MAGI2: variants seen among roughly 807,000 people sequenced by gnomAD.
MAGI2 encodes the protein membrane associated guanylate kinase, WW and PDZ domain containing 2, also known as membrane-associated guanylate kinase, WW and PDZ domain-containing protein 2.
A neutral mutation model predicts 133.3 loss-of-function variants in MAGI2; 35 were observed. The ratio of observed to expected loss-of-function variants is 0.26; its 90% confidence interval spans 0.20 to 0.35. The LOEUF (loss-of-function observed/expected upper bound fraction) is 0.35. Ranked by LOEUF, MAGI2 falls within the 10% of genes least tolerant of loss-of-function variation. The pLI is 1.00. For synonymous variants in MAGI2, 729 were observed against 710.6 expected (o/e 1.03, Z -0.41); for missense variants, 1,636 against 1,863.4 (o/e 0.88, Z 2.25).
At chr7:78,429,473 G>C (rs1362044603) in intron 6 of MAGI2, among the ~76,000 whole-genome samples, 1 of 151,918 alleles carries the variant, frequency 6.6e-6, no homozygotes, top group Non-Finnish European at 1.5e-5. Context: ...AATGGATTTC[G>C]TTCTTTGTTT....
intron 3 of MAGI2, among the ~76,000 whole-genome samples, chr7:78,539,761 G>A (rs1025983161): frequency 3.9e-5 from 6 of 152,096 alleles, no homozygotes; most frequent in African/African-American, 1.4e-4. Flanking sequence ...CAGGTCTCTC[G>A]GCCATGGATA....
At chr7:78,591,619 T>C (rs889546155) in intron 3 of MAGI2, among the ~76,000 whole-genome samples, 2 of 152,152 alleles carry the variant, frequency 1.3e-5, no homozygotes, top group African/African-American at 4.8e-5. Flanking sequence ...ATTAGGAAGG[T>C]AGTCTCTGAG....
chr7:79,052,560 C>T (rs1205035122), intron 1 of MAGI2, among the ~76,000 whole-genome samples: 2 of 152,210 alleles, frequency 1.3e-5, no homozygotes, highest in African/African-American at 4.8e-5. Flanking sequence ...CACACTGCAT[C>T]TCATTGCCTA....
intron 1 of MAGI2, among the ~76,000 whole-genome samples, chr7:79,392,654 CTTCTT>C (rs1479004973): frequency 6.6e-6 from 1 of 152,230 alleles, no homozygotes; most frequent in Admixed American, 6.5e-5. Flanking sequence ...GCATAAATGT[CTTCTT>C]TTGAGAAGTG....
intron 10 of MAGI2, among the ~76,000 whole-genome samples, 183 bp from the exon 11 acceptor site, chr7:78,201,376 G>A (rs1029087777): frequency 1.1e-4 from 16 of 152,182 alleles, no homozygotes; most frequent in African/African-American, 2.9e-4. Flanking sequence ...CATTGGAATT[G>A]TATTAATGAT....
At position 78,893,585 on chromosome 7, in the gene MAGI2, C is replaced by A. The variant is rs1056861881; in HGVS notation, c.418+113505G>T. 3.3e-5 allele frequency among the ~76,000 whole-genome samples: 5 copies of A among 152,158 alleles called. No homozygotes were observed. In the South Asian group the frequency reaches 1.0e-3, roughly 32 times the overall value. Reference sequence around the variant, plus strand: ...ATGAGTTCATGTCCTTTGTAGGGACCTGGATGAAGCCAGAAACCATCATTC... The same window carrying A: ...ATGAGTTCATGTCCTTTGTAGGGACATGGATGAAGCCAGAAACCATCATTC... On this transcript the variant is annotated intron_variant, in intron 2 of 21. Transcript: ENST00000354212.
Position 79,271,486 on chromosome 7 carries a change from A to C in MAGI2, c.301+181534T>G, listed in dbSNP as rs539341978. ...GCTTGCCTTGTGTTCTGGCTTTATA[A>C]AGCTTTTATAAAGCCCTTCAACAAC... On this transcript the variant is annotated intron_variant, in intron 1 of 21. Transcript: ENST00000354212. Among the ~76,000 whole-genome samples, 11 of 152,216 alleles carry C rather than the reference A, an allele frequency of 7.2e-5. No homozygotes were observed. The East Asian group carries it at 2.1e-3, about 29-fold the overall frequency.
chr7:78,326,761 T>C (rs1788628634), intron 9 of MAGI2, among the ~76,000 whole-genome samples: 1 of 152,212 alleles, frequency 6.6e-6, no homozygotes. Flanking sequence ...AACTTTTTGC[T>C]ATAATATATT....
rs201592062 is a variant in MAGI2, at chr7:78,627,175, T to C, written c.483A>G (p.Glu161=). The change falls in exon 3 of 22, where the codon GAA becomes GAG. Residue 161 remains glutamate, a synonymous_variant. Coordinates refer to ENST00000354212, the MANE Select transcript of MAGI2 (RefSeq NM_012301.4). ...PGVDYIFITV[E]DFMELEKSGA... ...CACTTTTCTCCAATTCCATAAAATC[T>C]TCAACAGTGATGAAAATATAATCCA... 2.5e-6 allele frequency: 4 copies of C among 1,598,456 alleles called. No individual in the cohort carries two copies. In the Admixed American group the frequency reaches 6.9e-5, roughly 28 times the overall value.
intron 6 of MAGI2, among the ~76,000 whole-genome samples, chr7:78,396,645 G>A (rs1796373093): frequency 6.6e-6 from 1 of 151,626 alleles, no homozygotes; most frequent in Admixed American, 6.6e-5. Context: ...TTATTTTCTG[G>A]TTTTCTCATT....
intron 2 of MAGI2, among the ~76,000 whole-genome samples, chr7:78,634,402 G>A (rs964171675): frequency 1.3e-5 from 2 of 152,178 alleles, no homozygotes; most frequent in Non-Finnish European, 2.9e-5. Flanking sequence ...GAGTCAGAAA[G>A]CATTTTAGAT....
rs1563526182 is a variant in MAGI2, at chr7:78,804,768, A to AAACAAAAAAC, written c.419-177530_419-177529insGTTTTTTGTT. On this transcript the variant is annotated intron_variant, in intron 2 of 21. Coordinates refer to ENST00000354212, the MANE Select transcript of MAGI2 (RefSeq NM_012301.4). ...TGTCTCAAAAAAAAAAAAAAAAAAA[A>AAACAAAAAAC]AAAACCTTTGGCCCTTTGGCTGGGC... Among the ~76,000 whole-genome samples the AAACAAAAAAC allele has an allele frequency of 9.6e-5, 11 of 114,036 alleles. No homozygotes were observed. The East Asian group carries it at 1.0e-3, about 11-fold the overall frequency. The allele number at this position is 114,036 out of a possible 152,430, so 74.8% of individuals were successfully genotyped here.
intron 6 of MAGI2, among the ~76,000 whole-genome samples, chr7:78,443,243 T>A (rs371909897): frequency 1.3e-3 from 203 of 152,142 alleles, no homozygotes; most frequent in African/African-American, 4.5e-3. Context: ...GGGCTTATTA[T>A]GACATAAAGA....
At chr7:78,506,351 G>C (rs1795087339) in intron 4 of MAGI2, among the ~76,000 whole-genome samples, 1 of 152,108 alleles carries the variant, frequency 6.6e-6, no homozygotes, top group South Asian at 2.1e-4. Flanking sequence ...GGTTCATGGA[G>C]ACGTCAAGTC....
At chr7:79,215,074 T>C (rs1268135618) in intron 1 of MAGI2, among the ~76,000 whole-genome samples, 1 of 151,734 alleles carries the variant, frequency 6.6e-6, no homozygotes, top group South Asian at 2.1e-4. Flanking sequence ...CATTCCAAAG[T>C]AAAGCAGAAA....
At chr7:78,119,301 T>A (rs547934533) in intron 20 of MAGI2, among the ~76,000 whole-genome samples, 8 of 152,122 alleles carry the variant, frequency 5.3e-5, no homozygotes. Flanking sequence ...GGCTCACGCC[T>A]GTAAATCCCA....
At chr7:78,782,388 C>A (rs751859255) in intron 2 of MAGI2, among the ~76,000 whole-genome samples, 2 of 151,998 alleles carry the variant, frequency 1.3e-5, no homozygotes, top group African/African-American at 2.4e-5. Context: ...AGAGTCAGTG[C>A]GGGGCAGGTG....
intron 1 of MAGI2, among the ~76,000 whole-genome samples, chr7:79,398,255 T>G (rs966673764): frequency 1.3e-5 from 2 of 152,302 alleles, no homozygotes; most frequent in Admixed American, 6.5e-5. Context: ...GAGTCATCTA[T>G]TTTTACACCA....
intron 3 of MAGI2, among the ~76,000 whole-genome samples, chr7:78,601,295 A>G (rs556218315): frequency 1.2e-4 from 18 of 152,328 alleles, no homozygotes; most frequent in African/African-American, 3.8e-4. Context: ...GAATAATGAC[A>G]TAAGAAAGTA....
Sources: gnomAD v4.1 joint callset for allele counts (sites outside exome capture counted in the v4.1 genomes callset) on GRCh38, gnomAD v4.1.1 for gene constraint, MANE v1.5 for transcripts, NCBI Gene and HGNC (gene_info 2026-07-23, HGNC 2026-07-21) for gene names.